The following ADAMTS2 variants were observed in gnomAD, a reference collection of about 807,000 sequenced individuals.
ADAMTS2 encodes A disintegrin and metalloproteinase with thrombospondin motifs 2.
A neutral mutation model predicts 123.0 loss-of-function variants in ADAMTS2; 50 were observed. The ratio of observed to expected loss-of-function variants is 0.41; its 90% confidence interval spans 0.32 to 0.51. The LOEUF is 0.51. Among genes scored for constraint, ADAMTS2 ranks in the 20% least tolerant of loss-of-function variants. ADAMTS2 has a pLI of 0.35. For synonymous variants in ADAMTS2, 678 were observed against 695.4 expected, an observed-to-expected ratio of 0.98 and a Z score of 0.39; for missense variants, 1,494 against 1,705.2, an observed-to-expected ratio of 0.88 and a Z score of 2.18.
chr5:179,327,406 T>A (rs1327504885), intron 2 of ADAMTS2, among the ~76,000 whole-genome samples: 1 of 152,026 alleles, frequency 6.6e-6, no homozygotes, highest in Non-Finnish European at 1.5e-5. Context: ...CCGTAGAAAC[T>A]CAGGGCATCT....
At chr5:179,344,279 G>T (rs982128228) in intron 1 of ADAMTS2, 118 bp from the exon 2 acceptor site, 1 of 1,352,298 alleles carries the variant, frequency 7.4e-7, no homozygotes. Context: ...GGGGCATTCC[G>T]CCAGGCGACC....
intron 5 of ADAMTS2, among the ~76,000 whole-genome samples, chr5:179,166,860 C>A (rs1376628803): frequency 1.3e-5 from 2 of 152,226 alleles, no homozygotes; most frequent in Non-Finnish European, 2.9e-5. Flanking sequence ...CCTCCCTTCA[C>A]GGAGCAATCC....
chr5:179,288,673 G>A (rs1307436781), intron 2 of ADAMTS2, among the ~76,000 whole-genome samples: 3 of 152,222 alleles, frequency 2.0e-5, no homozygotes, highest in African/African-American at 4.8e-5. Context: ...CTGGAGAGCC[G>A]GAGCAGCGAG....
intron 3 of ADAMTS2, among the ~76,000 whole-genome samples, chr5:179,267,157 G>A (rs1766396136): frequency 6.6e-6 from 1 of 152,154 alleles, no homozygotes; most frequent in Non-Finnish European, 1.5e-5. Flanking sequence ...ATCCCCTGCG[G>A]CCTGGAAAAC....
chr5:179,263,291 C>CATTATTCCCCCATGATTTGGGGAGCAGT lies in ADAMTS2; in HGVS notation c.688+9592_688+9619dup, dbSNP rs1561652764. On this transcript the variant is annotated intron_variant, in intron 3 of 21. Coordinates refer to ENST00000251582, the MANE Select transcript of ADAMTS2 (RefSeq NM_014244.5). ...TATTCCCCCATGATTTGGGGAGCAG[C>CATTATTCCCCCATGATTTGGGGAGCAGT]ATTATTCCCCCATGATTTGGGGAGC... Among the ~76,000 whole-genome samples the CATTATTCCCCCATGATTTGGGGAGCAGT allele has an allele frequency of 8.4e-4, 73 of 86,586 alleles. 1 individual carries two copies. The highest frequency in any genetic ancestry group is 7.3e-3 in the South Asian group (12 of 1,636). The allele number at this position is 86,586 out of a possible 152,430, so 56.8% of individuals were successfully genotyped here. A position where few individuals can be genotyped will look rare whatever the true frequency, so the allele number is the denominator to read the frequency against.
intron 2 of ADAMTS2, among the ~76,000 whole-genome samples, chr5:179,288,156 CCCCT>C (rs1561690864): frequency 6.6e-6 from 1 of 151,878 alleles, no homozygotes; most frequent in Non-Finnish European, 1.5e-5. Flanking sequence ...CCTCTCAGGA[CCCCT>C]CCGGCCTCAT....
At chr5:179,261,420 G>A (rs538105210) in intron 3 of ADAMTS2, among the ~76,000 whole-genome samples, 11 of 152,332 alleles carry the variant, frequency 7.2e-5, no homozygotes, top group African/African-American at 2.2e-4. Flanking sequence ...TCTGTTAAGC[G>A]CTGGGATTTC....
At chr5:179,126,179 C>T (rs1581139406) in intron 17 of ADAMTS2, 49 bp from the exon 18 acceptor site, 3 of 1,611,388 alleles carry the variant, frequency 1.9e-6, no homozygotes, top group Non-Finnish European at 2.5e-6. Flanking sequence ...ATGCCCTGCC[C>T]GAGGGTGCAA....
chr5:179,153,963 G>A, intron 8 of ADAMTS2, 86 bp downstream of exon 8: 1 of 1,519,484 alleles, frequency 6.6e-7, no homozygotes, highest in Non-Finnish European at 8.9e-7. Context: ...GGAGGGCTCT[G>A]GCTCTGGTGC....
intron 4 of ADAMTS2, among the ~76,000 whole-genome samples, chr5:179,187,121 C>T (rs959420050): frequency 6.6e-6 from 1 of 152,120 alleles, no homozygotes; most frequent in African/African-American, 2.4e-5. Flanking sequence ...TGGTTCAGGC[C>T]TGGAATCCTC....
rs938471328 is a variant in ADAMTS2, at chr5:179,202,180, C to G, written c.891+5333G>C. Among the ~76,000 whole-genome samples, 8 of 152,062 alleles carry G rather than the reference C, an allele frequency of 5.3e-5. No individual in the cohort carries two copies. The highest frequency in any genetic ancestry group is 8.8e-5 in the Non-Finnish European group (6 of 67,916). ...ACCTCTGGAAGACTGCGGCGGCCGGCCTTGCCGGCCCCGACTTCCCCTACC... is the reference window on the plus strand; with the variant it reads ...ACCTCTGGAAGACTGCGGCGGCCGGGCTTGCCGGCCCCGACTTCCCCTACC... On this transcript the variant is annotated intron_variant, in intron 4 of 21. Coordinates refer to ENST00000251582, the MANE Select transcript of ADAMTS2 (RefSeq NM_014244.5). This position sits in a 1 kb window ranked among gnomAD's most constrained non-coding sequence, Gnocchi z 4.0.
Position 179,307,950 on chromosome 5 carries a change from C to T in ADAMTS2, c.535-34886G>A, listed in dbSNP as rs1011122124. Among the ~76,000 whole-genome samples, 8 of 152,328 alleles carry T rather than the reference C, an allele frequency of 5.3e-5. No individual in the cohort carries two copies. The highest frequency in any genetic ancestry group is 3.9e-4 in the East Asian group (2 of 5,188). On this transcript the variant is annotated intron_variant, in intron 2 of 21. Transcript: ENST00000251582. This position sits in a 1 kb window ranked among gnomAD's most constrained non-coding sequence, Gnocchi z 5.6. ...CTCTGCCCCCTGACCAGGGATCTTACGAGAGCAAAGTTGTCCTTGCTGGGT... is the reference window on the plus strand; with the variant it reads ...CTCTGCCCCCTGACCAGGGATCTTATGAGAGCAAAGTTGTCCTTGCTGGGT...
intron 3 of ADAMTS2, among the ~76,000 whole-genome samples, chr5:179,258,038 A>G (rs2113482013): frequency 6.6e-6 from 1 of 152,068 alleles, no homozygotes; most frequent in South Asian, 2.1e-4. Context: ...CCCATACGAG[A>G]CCACTGTCCT....
chr5:179,152,522 C>A (rs1763382255), intron 9 of ADAMTS2, among the ~76,000 whole-genome samples: 1 of 152,116 alleles, frequency 6.6e-6, no homozygotes, highest in Admixed American at 6.5e-5. Flanking sequence ...GGCAGCTGGG[C>A]CCTAAGTGCC....
At chr5:179,116,268 C>T (rs571769949) in intron 21 of ADAMTS2, among the ~76,000 whole-genome samples, 9 of 127,922 alleles carry the variant, frequency 7.0e-5, no homozygotes, top group Non-Finnish European at 1.2e-4. Context: ...GCACCCCCCC[C>T]CCACCCCCCG....
intron 2 of ADAMTS2, among the ~76,000 whole-genome samples, chr5:179,342,216 A>G (rs779690730): frequency 6.6e-6 from 1 of 152,244 alleles, no homozygotes; most frequent in Non-Finnish European, 1.5e-5. Context: ...AATGCATAGT[A>G]CACAGGTGTT....
chr5:179,200,188 G>A (rs947555967), intron 4 of ADAMTS2, among the ~76,000 whole-genome samples: 1 of 150,472 alleles, frequency 6.6e-6, no homozygotes, highest in African/African-American at 2.5e-5. Context: ...AGAATGCATT[G>A]CATGTAATAC....
Position 179,147,332 on chromosome 5 carries a change from G to A in ADAMTS2, c.1629+4810C>T, listed in dbSNP as rs183618226. ...TCGAACTCCTGATCTCAAGTAATCC[G>A]CCCACCTCGGCCTCCCAAAGTGTCG... is the stretch of plus-strand genomic sequence containing the variant. On this transcript the variant is annotated intron_variant, in intron 10 of 21. Transcript: ENST00000251582. 7.5e-3 allele frequency among the ~76,000 whole-genome samples: 1,136 copies of A among 152,180 alleles called. 14 individuals carry two copies. The highest frequency in any genetic ancestry group is 0.026 in the African/African-American group (1,078 of 41,514).
chr5:179,121,103 G>C (rs932913587), intron 21 of ADAMTS2: 1 of 152,304 alleles, frequency 6.6e-6, no homozygotes, highest in Admixed American at 6.5e-5. Context: ...AGTGGAGGTG[G>C]GGAGTGTCCC....
Sources: allele counts gnomAD v4.1 joint callset (sites outside exome capture counted in the v4.1 genomes callset), GRCh38; gene constraint gnomAD v4.1.1; non-coding constraint Gnocchi (gnomAD v3.1); transcripts MANE v1.5; gene names NCBI Gene and HGNC (gene_info 2026-07-23, HGNC 2026-07-21).